PDZD2: variants seen among roughly 807,000 people sequenced by gnomAD.
PDZD2 encodes the protein PDZ domain-containing protein 2.
In PDZD2, 90 loss-of-function variants were observed where a neutral mutation model predicts 220.7. The ratio of observed to expected loss-of-function variants is 0.41; its 90% CI spans 0.34 to 0.49. The LOEUF (loss-of-function observed/expected upper bound fraction) is 0.49, where lower values mean the gene tolerates loss of function less well. Among genes scored for constraint, PDZD2 ranks in the 20% least tolerant of loss-of-function variants. PDZD2 has a pLI of 0.28. For missense variants in PDZD2, 3,174 were observed against 3,608.5 expected, an observed-to-expected ratio of 0.88 and a Z score of 3.08; for synonymous variants, 1,375 against 1,450.5, an observed-to-expected ratio of 0.95 and a Z score of 1.18.
intron 2 of PDZD2, among the ~76,000 whole-genome samples, chr5:31,975,354 TACTC>T (rs754647906): frequency 8.1e-4 from 123 of 152,236 alleles, no homozygotes; most frequent in Non-Finnish European, 1.1e-3. Context: ...TCGTGAGACT[TACTC>T]ACTCTCACGA....
chr5:32,062,820 C>T (rs1240626902), intron 14 of PDZD2, among the ~76,000 whole-genome samples: 2 of 152,066 alleles, frequency 1.3e-5, no homozygotes, highest in Non-Finnish European at 2.9e-5. Context: ...AACGTGCATT[C>T]ACATTTTCCA....
chr5:31,897,513 C>T (rs769976497), intron 2 of PDZD2, among the ~76,000 whole-genome samples: 1 of 152,172 alleles, frequency 6.6e-6, no homozygotes, highest in Non-Finnish European at 1.5e-5. Context: ...GCCGAAGTTG[C>T]ACTTGAGATC....
chr5:32,008,448 ATT>A (rs1236629672), intron 5 of PDZD2, among the ~76,000 whole-genome samples: 1 of 151,830 alleles, frequency 6.6e-6, no homozygotes, highest in African/African-American at 2.4e-5. Context: ...CACCTGGCTA[ATT>A]TTTGTATTTT....
At chr5:31,711,161 G>A (rs1401122216) in intron 1 of PDZD2, among the ~76,000 whole-genome samples, 3 of 152,112 alleles carry the variant, frequency 2.0e-5, no homozygotes, top group Non-Finnish European at 4.4e-5. Context: ...GTTCATCATG[G>A]ATGGATATTG....
At chr5:31,863,939 C>T (rs762191062) in intron 2 of PDZD2, among the ~76,000 whole-genome samples, 3 of 152,134 alleles carry the variant, frequency 2.0e-5, no homozygotes, top group Non-Finnish European at 4.4e-5. Flanking sequence ...TGCATGTGAG[C>T]GTAACTTACA....
chr5:31,908,982 G>A (rs1160999940), intron 2 of PDZD2: 1 of 318,898 alleles, frequency 3.1e-6, no homozygotes, highest in Admixed American at 4.3e-5. Flanking sequence ...GGAGGCGGAG[G>A]CTGCAATGAG....
intron 1 of PDZD2, chr5:31,665,188 A>C (rs1314615866): frequency 6.6e-6 from 1 of 151,376 alleles, no homozygotes; most frequent in African/African-American, 2.4e-5. Context: ...ATTGTTCCTT[A>C]TTTCCCCTCT....
At chr5:32,061,779 A>G (rs1413934007) in intron 14 of PDZD2, among the ~76,000 whole-genome samples, 1 of 152,188 alleles carries the variant, frequency 6.6e-6, no homozygotes, top group Non-Finnish European at 1.5e-5. Flanking sequence ...AAAAGAAATG[A>G]GAAAGTGTCA....
intron 6 of PDZD2, among the ~76,000 whole-genome samples, chr5:32,011,480 C>A (rs1753318271): frequency 6.6e-6 from 1 of 152,194 alleles, no homozygotes; most frequent in African/African-American, 2.4e-5. Flanking sequence ...ACCTGGGCTA[C>A]AGAGCAAGAC....
At chr5:31,746,058 T>C (rs1160808749) in intron 1 of PDZD2, among the ~76,000 whole-genome samples, 1 of 152,036 alleles carries the variant, frequency 6.6e-6, no homozygotes, top group Admixed American at 6.6e-5. Flanking sequence ...AATAGAACTG[T>C]GGAGCTCTAG....
intron 1 of PDZD2, among the ~76,000 whole-genome samples, chr5:31,756,378 C>T (rs931627731): frequency 5.9e-5 from 9 of 152,314 alleles, no homozygotes; most frequent in African/African-American, 2.2e-4. Flanking sequence ...ACATTCCCAG[C>T]ACTACCAATG....
intron 1 of PDZD2, among the ~76,000 whole-genome samples, chr5:31,743,441 A>G (rs1164900202): frequency 6.6e-6 from 1 of 152,084 alleles, no homozygotes; most frequent in East Asian, 1.9e-4. Flanking sequence ...TACAGACGTG[A>G]GCCACTGTGC....
intron 2 of PDZD2, chr5:31,840,631 T>C: frequency 1.4e-6 from 1 of 721,278 alleles, no homozygotes; most frequent in South Asian, 1.4e-5. Flanking sequence ...TTCTTTCTTT[T>C]TCTGATCATT....
intron 2 of PDZD2, among the ~76,000 whole-genome samples, chr5:31,919,642 G>A (rs1316897670): frequency 4.0e-5 from 6 of 148,800 alleles, no homozygotes; most frequent in Middle Eastern, 3.4e-3. Flanking sequence ...CACAGCGCCC[G>A]GCCGTCTCTC....
intron 2 of PDZD2, among the ~76,000 whole-genome samples, chr5:31,849,642 G>A (rs1020769164): frequency 2.0e-5 from 3 of 151,746 alleles, no homozygotes; most frequent in Non-Finnish European, 2.9e-5. Flanking sequence ...TCAGGAGTTC[G>A]AGATCTGCCT....
At chr5:31,917,641 G>C (rs1743804873) in intron 2 of PDZD2, among the ~76,000 whole-genome samples, 2 of 152,194 alleles carry the variant, frequency 1.3e-5, no homozygotes, top group Admixed American at 6.5e-5. Flanking sequence ...GTATTAGTCT[G>C]TTCTCACACT....
intron 2 of PDZD2, among the ~76,000 whole-genome samples, chr5:31,854,494 G>T (rs1363369039): frequency 6.6e-6 from 1 of 152,196 alleles, no homozygotes. Context: ...TGCCCCATAC[G>T]ATGGTTGTGA....
chr5:31,686,399 C>G (rs1001790703), intron 1 of PDZD2, among the ~76,000 whole-genome samples: 2 of 151,500 alleles, frequency 1.3e-5, no homozygotes, highest in East Asian at 3.9e-4. Flanking sequence ...GAGTCTCACT[C>G]TGTTGCCCAG....
intron 1 of PDZD2, among the ~76,000 whole-genome samples, chr5:31,737,237 A>G (rs1304302001): frequency 7.9e-6 from 1 of 126,982 alleles, no homozygotes; most frequent in Non-Finnish European, 1.5e-5. Context: ...CAGTGGCGCC[A>G]TCTCGGCTCA....
Sources: allele counts gnomAD v4.1 joint callset (sites outside exome capture counted in the v4.1 genomes callset), GRCh38; gene constraint gnomAD v4.1.1; transcripts MANE v1.5; gene names NCBI Gene and HGNC (gene_info 2026-07-23, HGNC 2026-07-21).